Variants in NARS1 observed in about 807,000 individuals in gnomAD.
NARS1 encodes the protein asparaginyl-tRNA synthetase 1.
In NARS1, 65 loss-of-function variants were observed where a neutral mutation model predicts 79.2. That is an observed-to-expected ratio of 0.82 (90% CI 0.67 to 1.01). NARS1 has a LOEUF of 1.01. Among genes scored for constraint, NARS1 ranks in the 50% least tolerant of loss-of-function variants. NARS1 has a pLI of 0.00. For synonymous variants in NARS1, 229 were observed against 238.8 expected (o/e 0.96, Z 0.38); for missense variants, 649 against 673.8 (o/e 0.96, Z 0.41).
rs1473264957 is a variant in NARS1, at chr18:57,615,319, G to T, written c.342+322C>A. Among the ~76,000 whole-genome samples the T allele has an allele frequency of 3.3e-5, 5 of 152,230 alleles. No individual in the cohort carries two copies. The East Asian group carries it at 9.6e-4, about 29-fold the overall frequency. Reference sequence around the variant, plus strand: ...AGATCAAGACCATCCTGGCTAACACGGTGAAACCCCGTCTCTACCAAAAAT... The same window carrying T: ...AGATCAAGACCATCCTGGCTAACACTGTGAAACCCCGTCTCTACCAAAAAT... On this transcript the variant is annotated intron_variant, in intron 4 of 13. Coordinates refer to ENST00000256854, the MANE Select transcript of NARS1 (RefSeq NM_004539.4).
chr18:57,620,045 T>C (rs1908236238), intron 2 of NARS1, among the ~76,000 whole-genome samples: 2 of 152,164 alleles, frequency 1.3e-5, no homozygotes, highest in Non-Finnish European at 1.5e-5. Flanking sequence ...TCAAGGATTC[T>C]AGATCCTGAG....
At chr18:57,620,067 C>T (rs1327836178) in intron 2 of NARS1, among the ~76,000 whole-genome samples, 1 of 152,124 alleles carries the variant, frequency 6.6e-6, no homozygotes, top group African/African-American at 2.4e-5. Flanking sequence ...AATAACAGCA[C>T]TGTTAATTCA....
At chr18:57,616,803 C>T (rs1908047204) in intron 2 of NARS1, among the ~76,000 whole-genome samples, 1 of 151,916 alleles carries the variant, frequency 6.6e-6, no homozygotes, top group Admixed American at 6.6e-5. Context: ...GAGATCGAGA[C>T]CATCCTGGCT....
At position 57,606,831 on chromosome 18, in the gene NARS1, G is replaced by T. The variant is rs1300648552; in HGVS notation, c.1002-80C>A. 5.1e-6 allele frequency: 8 copies of T among 1,567,560 alleles called. No homozygotes were observed. The Admixed American group carries it at 1.2e-4, about 24-fold the overall frequency. On this transcript the variant is annotated intron_variant, in intron 9 of 13. Coordinates refer to ENST00000256854, the MANE Select transcript of NARS1 (RefSeq NM_004539.4). The stretch of plus-strand genomic sequence containing the variant: ...CCAGCAAGGCTTTTAACATTGGGAA[G>T]CTGTCCATAAAATGCCAACAATGCT...
rs1599029498 is a variant in NARS1, at chr18:57,601,524, G to A, written c.*128C>T. 4.5e-6 allele frequency: 4 copies of A among 885,242 alleles called. No homozygotes were observed. The East Asian group carries it at 1.1e-4, about 24-fold the overall frequency. 54.8% of individuals were successfully genotyped at this position (885,242 alleles called of 1,614,324 possible). On this transcript the variant is annotated 3_prime_UTR_variant, in exon 14 of 14. Transcript: ENST00000256854. ...CAGGTGATTTGAGATAGTTTTTATGGTAGTAGAAAGAAAAACAGAAAGAGA... is the reference window on the plus strand; with the variant it reads ...CAGGTGATTTGAGATAGTTTTTATGATAGTAGAAAGAAAAACAGAAAGAGA...
chr18:57,608,568 A>T (rs906679675), intron 7 of NARS1, among the ~76,000 whole-genome samples: 1 of 152,186 alleles, frequency 6.6e-6, no homozygotes, highest in Non-Finnish European at 1.5e-5. Flanking sequence ...TCTACAGCAC[A>T]GTGGCTATAT....
In NARS1 at chr18:57,602,487, C is replaced by T; in HGVS notation, c.1384-1G>A. ...CAACATTGGGCATCAACACGTCGAC[C>T]TTTAAATATAAGTGAAAGAAGATAC... On this transcript the variant is annotated splice_acceptor_variant, in intron 12 of 13. Transcript: ENST00000256854. LOFTEE classifies it high-confidence loss of function. 6.2e-7 allele frequency: 1 copy of T among 1,613,580 alleles called. No individual in the cohort carries two copies. The highest frequency in any genetic ancestry group is 1.1e-5 in the South Asian group (1 of 91,044).
At chr18:57,614,113 G>C (rs2051627840) in intron 4 of NARS1, among the ~76,000 whole-genome samples, 1 of 152,170 alleles carries the variant, frequency 6.6e-6, no homozygotes, top group Admixed American at 6.5e-5. Context: ...GAAGGAGAGA[G>C]GAGATGAGTA....
intron 4 of NARS1, among the ~76,000 whole-genome samples, chr18:57,614,702 T>G (rs2051633247): frequency 6.6e-6 from 1 of 152,080 alleles, no homozygotes; most frequent in Non-Finnish European, 1.5e-5. Flanking sequence ...AAACTGACAC[T>G]AGAGAGGGTT....
chr18:57,605,912 C>G lies in NARS1; in HGVS notation c.1196G>C (p.Trp399Ser), dbSNP rs1370327881. Residue 399 changes from tryptophan to serine, a missense_variant, in exon 11 of 14, where the codon TGG becomes TCG. By Grantham distance (177) the Trp-to-Ser change is radical. Transcript: ENST00000256854. ...KRMNYSDAIV[W>S]LKEHDVKKED... ...TTTCTTTACATCATGTTCTTTTAGC[C>G]AAACGATAGCATCTGAATAGTTCAT... The G allele has an allele frequency of 6.2e-7, 1 of 1,613,592 alleles. No homozygotes were observed. The highest frequency in any genetic ancestry group is 2.2e-5 in the East Asian group (1 of 44,866).
At chr18:57,614,628 A>G (rs1401779833) in intron 4 of NARS1, among the ~76,000 whole-genome samples, 1 of 152,248 alleles carries the variant, frequency 6.6e-6, no homozygotes, top group East Asian at 1.9e-4. Context: ...CACAATTCAC[A>G]AACTTTTACT....
Position 57,615,798 on chromosome 18 carries a change from T to C in NARS1, c.252+19A>G, listed in dbSNP as rs774466304. On this transcript the variant is annotated intron_variant, in intron 3 of 13. Transcript: ENST00000256854. ...GTTCTAACTTTAACAACGTTCACGATGGCAAGGTCAGGACTCACCTCTTTC... is the reference window on the plus strand; with the variant it reads ...GTTCTAACTTTAACAACGTTCACGACGGCAAGGTCAGGACTCACCTCTTTC... 6.8e-6 allele frequency: 11 copies of C among 1,610,932 alleles called. No individual in the cohort carries two copies. The East Asian group carries it at 1.1e-4, about 16-fold the overall frequency.
rs915338131 is a variant in NARS1 at position 57,608,475 on chromosome 18, A to C, written c.580-810T>G. Among the ~76,000 whole-genome samples, 5 of 150,096 alleles carry C rather than the reference A, an allele frequency of 3.3e-5. No homozygotes were observed. In the South Asian group the frequency reaches 1.1e-3, roughly 32 times the overall value. On this transcript the variant is annotated intron_variant, in intron 7 of 13. Transcript: ENST00000256854. Reference sequence around the variant, plus strand: ...AAAAAAAAACAATAAAAACAGGCTCAAATTCTAATAAGAAATTCTCTGAAC... The same window carrying C: ...AAAAAAAAACAATAAAAACAGGCTCCAATTCTAATAAGAAATTCTCTGAAC...
chr18:57,607,234 G>C lies in NARS1; in HGVS notation c.901C>G (p.Gln301Glu). The C allele has an allele frequency of 6.2e-7, 1 of 1,614,036 alleles. No individual in the cohort carries two copies. The highest frequency in any genetic ancestry group is 8.5e-7 in the Non-Finnish European group (1 of 1,179,962). ...GGGAGGCAGGTCTCCAAGTACAACT[G>C]AGAGGATTGAGTCAAAAATGCCTCT... The part of the protein sequence containing the change: ...GEEAFLTQSS[Q>E]LYLETCLPAL... The change falls in exon 9 of 14, where the codon CAG becomes GAG. Residue 301 changes from glutamine to glutamate, a missense_variant. Transcript: ENST00000256854.
In NARS1 at chr18:57,616,984, A is replaced by G. The variant is rs528598421; in HGVS notation, c.94-1009T>C. Among the ~76,000 whole-genome samples, 45 of 151,490 alleles carry G rather than the reference A, an allele frequency of 3.0e-4. No individual in the cohort carries two copies. In the South Asian group the frequency reaches 8.9e-3, roughly 30 times the overall value. On this transcript the variant is annotated intron_variant, in intron 2 of 13. Transcript: ENST00000256854. ...AAAAAAAAAAAAAAAAAAGAGCACA[A>G]AAAGCTAAACTCATTTAATCTGAAA... is the stretch of plus-strand genomic sequence containing the variant.
chr18:57,617,038 C>T (rs1339274014), intron 2 of NARS1, among the ~76,000 whole-genome samples: 1 of 151,460 alleles, frequency 6.6e-6, no homozygotes, highest in Admixed American at 6.6e-5. Context: ...ACCTCTTTTC[C>T]CCAATGGGAC....
chr18:57,615,338 C>A (rs1357572315), intron 4 of NARS1, among the ~76,000 whole-genome samples: 1 of 151,744 alleles, frequency 6.6e-6, no homozygotes, highest in African/African-American at 2.4e-5. Context: ...CCGTCTCTAC[C>A]AAAAATACAA....
intron 2 of NARS1, among the ~76,000 whole-genome samples, chr18:57,619,123 T>C (rs1178479879): frequency 1.3e-5 from 2 of 151,936 alleles, no homozygotes; most frequent in Non-Finnish European, 2.9e-5. Flanking sequence ...AGGAACTTTT[T>C]TGTTGTTGTC....
intron 1 of NARS1, among the ~76,000 whole-genome samples, chr18:57,621,472 G>A (rs1908300342): frequency 6.6e-6 from 1 of 152,156 alleles, no homozygotes. Context: ...GAAGGGCCCG[G>A]AGCCACCGCC....
Sources: allele counts gnomAD v4.1 joint callset (sites outside exome capture counted in the v4.1 genomes callset), GRCh38; gene constraint gnomAD v4.1.1; transcripts MANE v1.5; gene names NCBI Gene and HGNC (gene_info 2026-07-23, HGNC 2026-07-21).